LRRC9: variants seen among roughly 807,000 people sequenced by gnomAD.
The protein encoded by LRRC9 is leucine-rich repeat-containing protein 9.
LRRC9 carries 122 observed loss-of-function variants against 63.2 expected under a neutral mutation model. That is an observed-to-expected ratio of 1.93 (90% CI 1.67 to 2.24). The LOEUF (loss-of-function observed/expected upper bound fraction) is 2.24, where lower values mean the gene tolerates loss of function less well. Among genes scored for constraint, LRRC9 ranks in the 30% most tolerant of loss-of-function variants. The pLI is 0.00. For missense variants in LRRC9, 1,071 were observed against 627.7 expected (o/e 1.71, Z -7.55); for synonymous variants, 366 against 213.1 (o/e 1.72, Z -6.25).
At chr14:59,998,147 T>A (rs1431891237) in intron 18 of LRRC9, among the ~76,000 whole-genome samples, 2 of 152,048 alleles carry the variant, frequency 1.3e-5, no homozygotes, top group African/African-American at 2.4e-5. Context: ...TTTTATATAG[T>A]TCAGTGTGCC....
chr14:59,933,114 G>A (rs989883025), intron 6 of LRRC9, among the ~76,000 whole-genome samples: 1 of 152,008 alleles, frequency 6.6e-6, no homozygotes, highest in Non-Finnish European at 1.5e-5. Context: ...TACCTGCATG[G>A]CTCATTTCAT....
chr14:60,039,198 T>G (rs1050754000), intron 29 of LRRC9, among the ~76,000 whole-genome samples: 1 of 152,268 alleles, frequency 6.6e-6, no homozygotes, highest in Non-Finnish European at 1.5e-5. Flanking sequence ...GCATCAATGT[T>G]CATCAGGGAT....
chr14:59,969,368 T>C (rs1414931349), intron 12 of LRRC9: 1 of 152,210 alleles, frequency 6.6e-6, no homozygotes, highest in Non-Finnish European at 1.5e-5. Context: ...CCCTTTTTTC[T>C]TCACACACCA....
Position 59,958,425 on chromosome 14 carries a change from C to T in LRRC9, c.883-1393C>T, listed in dbSNP as rs117099338. Among the ~76,000 whole-genome samples, 2 of 152,334 alleles carry T rather than the reference C, an allele frequency of 1.3e-5. No homozygotes were observed. The highest frequency in any genetic ancestry group is 2.9e-5 in the Non-Finnish European group (2 of 68,028). On this transcript the variant is annotated intron_variant, in intron 8 of 31. Coordinates refer to ENST00000445360, the Ensembl canonical transcript of LRRC9. The surrounding 1 kb of genome is among the most constrained non-coding windows in gnomAD (Gnocchi z 4.0). Reference sequence around the variant, plus strand: ...GACCTCCCAAACTCCTTAGCACTGTCAGGGAAAAACCACCTACTAAAGCCT... The same window carrying T: ...GACCTCCCAAACTCCTTAGCACTGTTAGGGAAAAACCACCTACTAAAGCCT...
chr14:60,052,001 T>C (rs1454900864), intron 29 of LRRC9, among the ~76,000 whole-genome samples: 3 of 152,308 alleles, frequency 2.0e-5, no homozygotes, highest in East Asian at 1.9e-4. Flanking sequence ...ATGGATCCAG[T>C]TGATTGCCTA....
chr14:60,009,873 A>C (rs893916503), intron 23 of LRRC9, among the ~76,000 whole-genome samples: 2 of 152,158 alleles, frequency 1.3e-5, no homozygotes, highest in African/African-American at 4.8e-5. Context: ...GAGGCAGCAA[A>C]ATCTTAAAGC....
intron 23 of LRRC9, among the ~76,000 whole-genome samples, chr14:60,009,934 G>A (rs1595016194): frequency 6.6e-6 from 1 of 152,232 alleles, no homozygotes; most frequent in African/African-American, 2.4e-5. Flanking sequence ...TCATGCTAAT[G>A]CAAGAGGCGG....
rs1376388242 is a variant in LRRC9 at position 59,955,334 on chromosome 14, CT to C, written c.883-4480del. ...CTCAATTTCAGAACTTGTTATTGGTCTTTTCATGGATTCAACTTCTTTCTGG... is the reference window on the plus strand; with the variant it reads ...CTCAATTTCAGAACTTGTTATTGGTCTTTCATGGATTCAACTTCTTTCTGG... On this transcript the variant is annotated intron_variant, in intron 8 of 31. Transcript: ENST00000445360. 4.6e-5 allele frequency among the ~76,000 whole-genome samples: 7 copies of C among 152,248 alleles called. No individual in the cohort carries two copies. In the East Asian group the frequency reaches 1.3e-3, roughly 29 times the overall value.
At chr14:59,953,869 T>G (rs541449406) in intron 8 of LRRC9, among the ~76,000 whole-genome samples, 1 of 152,226 alleles carries the variant, frequency 6.6e-6, no homozygotes, top group Non-Finnish European at 1.5e-5. Context: ...AGTTTCTGTT[T>G]TCTGCATATG....
intron 29 of LRRC9, among the ~76,000 whole-genome samples, chr14:60,052,407 T>G (rs528346452): frequency 3.4e-4 from 52 of 152,292 alleles, no homozygotes; most frequent in East Asian, 2.3e-3. Flanking sequence ...ATGATTTTTT[T>G]GGGGGATGGT....
In LRRC9 at chr14:59,954,361, G is replaced by A. The variant is rs111991824; in HGVS notation, c.883-5457G>A. ...CCTTGAGCAGTGGTTTGTAGTTCTT[G>A]AAGAGGTCCTTCATGTCTCTTATAA... On this transcript the variant is annotated intron_variant, in intron 8 of 31. Coordinates refer to ENST00000445360, the Ensembl canonical transcript of LRRC9. Among the ~76,000 whole-genome samples the A allele has an allele frequency of 5.1e-3, 776 of 151,966 alleles. 5 individuals are homozygous for A. The highest frequency in any genetic ancestry group is 0.018 in the African/African-American group (728 of 41,516).
intron 30 of LRRC9, chr14:60,054,068 G>A (rs1183372923): frequency 2.9e-6 from 1 of 347,002 alleles, no homozygotes; most frequent in Non-Finnish European, 5.6e-6. Context: ...GAACAGAGGT[G>A]ACTTTAAAAA....
chr14:60,003,889 G>A lies in LRRC9; in HGVS notation c.2842+91G>A, dbSNP rs763236552. ...CCCTGGGAACAGAGTTTCTGAAGAG[G>A]AAGATCTCTAGGAAAGTTCCAAGTT... On this transcript the variant is annotated intron_variant, in intron 21 of 31. Coordinates refer to ENST00000445360, the Ensembl canonical transcript of LRRC9. The surrounding 1 kb of genome is among the most constrained non-coding windows in gnomAD (Gnocchi z 4.2). 9.6e-5 allele frequency: 50 copies of A among 519,292 alleles called. No individual in the cohort carries two copies. Among genetic ancestry groups the A allele is most frequent in the Non-Finnish European group, 1.3e-4 (40 of 296,814 alleles). 32.2% of individuals were successfully genotyped at this position (519,292 alleles called of 1,614,324 possible).
At chr14:59,975,121 ATATATG>A (rs1403916179) in intron 13 of LRRC9, among the ~76,000 whole-genome samples, 314 of 19,930 alleles carry the variant, frequency 0.016, 38 homozygotes, top group African/African-American at 0.028. Flanking sequence ...ATGTATATAT[ATATATG>A]TATATATATA....
At chr14:60,022,945 C>T (rs1238178997) in intron 27 of LRRC9, 75 bp downstream of exon 27, 9 of 434,422 alleles carry the variant, frequency 2.1e-5, no homozygotes, top group African/African-American at 1.4e-4. Flanking sequence ...TTTTGATAAG[C>T]AAATATAAGC....
Position 59,936,473 on chromosome 14 carries a change from A to G in LRRC9, c.544-1917A>G, listed in dbSNP as rs1890150576. Among the ~76,000 whole-genome samples, 1 of 152,112 alleles carries G rather than the reference A, an allele frequency of 6.6e-6. No homozygotes were observed. Among genetic ancestry groups the G allele is most frequent in the Non-Finnish European group, 1.5e-5 (1 of 68,030 alleles). On this transcript the variant is annotated intron_variant, in intron 6 of 31. Coordinates refer to ENST00000445360, the Ensembl canonical transcript of LRRC9. The surrounding 1 kb of genome is among the most constrained non-coding windows in gnomAD (Gnocchi z 4.2). ...TTCCAACCATACCAGGCACCAGAGC[A>G]CTAATTTTCAGTGAGATTTTGTGCC... is the stretch of plus-strand genomic sequence containing the variant.
intron 8 of LRRC9, among the ~76,000 whole-genome samples, chr14:59,947,529 A>G (rs1357626881): frequency 7.6e-6 from 1 of 131,494 alleles, no homozygotes; most frequent in Middle Eastern, 3.8e-3. Context: ...CCATTTGTCA[A>G]TTTTGGCTTT....
rs73306028 is a variant in LRRC9 at position 59,987,999 on chromosome 14, C to T, written c.2211+2775C>T. 2.8e-3 allele frequency among the ~76,000 whole-genome samples: 427 copies of T among 152,268 alleles called. 3 individuals carry two copies. Among genetic ancestry groups the T allele is most frequent in the African/African-American group, 9.8e-3 (409 of 41,568 alleles). Reference sequence around the variant, plus strand: ...TAACAGTATGAATGCAGGGACTTAACAATATTTGATTATATTCAATCCATT... The same window carrying T: ...TAACAGTATGAATGCAGGGACTTAATAATATTTGATTATATTCAATCCATT... On this transcript the variant is annotated intron_variant, in intron 17 of 31. Coordinates refer to ENST00000445360, the Ensembl canonical transcript of LRRC9.
intron 21 of LRRC9, among the ~76,000 whole-genome samples, chr14:60,005,590 C>G (rs1889744796): frequency 6.6e-6 from 1 of 151,982 alleles, no homozygotes; most frequent in South Asian, 2.1e-4. Flanking sequence ...ATTGATTCAC[C>G]TTCAACATTG....
Sources: allele counts gnomAD v4.1 joint callset (sites outside exome capture counted in the v4.1 genomes callset), GRCh38; gene constraint gnomAD v4.1.1; non-coding constraint Gnocchi (gnomAD v3.1); transcripts MANE v1.5; gene names NCBI Gene and HGNC (gene_info 2026-07-23, HGNC 2026-07-21).